PLEKHG1: variants seen among roughly 807,000 people sequenced by gnomAD.
PLEKHG1 encodes pleckstrin homology domain-containing family G member 1.
In PLEKHG1, 44 loss-of-function variants were observed where a neutral mutation model predicts 100.8. The observed-to-expected ratio is 0.44, with a 90% CI of 0.34 to 0.56. The LOEUF is 0.56. Ranked by LOEUF, PLEKHG1 falls within the 20% of genes least tolerant of loss-of-function variation. The pLI, the probability that PLEKHG1 is intolerant of heterozygous loss-of-function variation, is 0.01. For missense variants in PLEKHG1, 1,545 were observed against 1,720.9 expected (o/e 0.90, Z 1.81); for synonymous variants, 640 against 662.5 (o/e 0.97, Z 0.52).
At chr6:150,606,905 ACT>A (rs1470961474) in intron 1 of PLEKHG1, among the ~76,000 whole-genome samples, 1 of 151,242 alleles carries the variant, frequency 6.6e-6, no homozygotes, top group Non-Finnish European at 1.5e-5. Flanking sequence ...CCCTCTCCCA[ACT>A]CTGCTAGGGA....
intron 3 of PLEKHG1, among the ~76,000 whole-genome samples, chr6:150,676,208 A>G (rs989667700): frequency 6.6e-5 from 10 of 152,248 alleles, no homozygotes; most frequent in African/African-American, 9.6e-5. Context: ...ATGCACAGCA[A>G]CAATTGGAGA....
chr6:150,625,917 A>G (rs1342044524), intron 1 of PLEKHG1: 1 of 152,206 alleles, frequency 6.6e-6, no homozygotes, highest in Non-Finnish European at 1.5e-5. Context: ...ACAACTGGAT[A>G]TTAGATGATG....
intron 3 of PLEKHG1, among the ~76,000 whole-genome samples, chr6:150,780,306 G>T (rs943585234): frequency 6.6e-6 from 1 of 151,888 alleles, no homozygotes; most frequent in African/African-American, 2.4e-5. Context: ...AGTAGAGACA[G>T]GGTTTCACCA....
intron 2 of PLEKHG1, among the ~76,000 whole-genome samples, chr6:150,641,948 T>G (rs1299304966): frequency 7.3e-6 from 1 of 137,476 alleles, no homozygotes; most frequent in East Asian, 2.1e-4. Context: ...GTGATGTAAG[T>G]AACCCTTTTT....
chr6:150,636,477 C>CT (rs772492111), intron 1 of PLEKHG1, among the ~76,000 whole-genome samples: 2,021 of 54,880 alleles, frequency 0.037, 23 homozygotes, highest in African/African-American at 0.067. Context: ...CAGTTGGTCC[C>CT]TTTTTTTTTT....
At chr6:150,616,159 T>C (rs1399628250) in intron 1 of PLEKHG1, among the ~76,000 whole-genome samples, 3 of 151,980 alleles carry the variant, frequency 2.0e-5, no homozygotes, top group Non-Finnish European at 4.4e-5. Context: ...AAACAAACAG[T>C]GGTTGAGAAG....
chr6:150,799,011 G>T (rs1786536250), intron 5 of PLEKHG1, among the ~76,000 whole-genome samples: 1 of 151,882 alleles, frequency 6.6e-6, no homozygotes, highest in South Asian at 2.1e-4. Flanking sequence ...AAAGTGCTGG[G>T]ATTGCAGCCA....
chr6:150,773,461 G>A (rs1784804360), intron 3 of PLEKHG1, among the ~76,000 whole-genome samples: 1 of 152,212 alleles, frequency 6.6e-6, no homozygotes. Flanking sequence ...TTGAGCCCGG[G>A]AGGCAGAGGC....
At chr6:150,602,194 C>T (rs970221796) in intron 1 of PLEKHG1, among the ~76,000 whole-genome samples, 1 of 152,222 alleles carries the variant, frequency 6.6e-6, no homozygotes, top group Admixed American at 6.5e-5. Flanking sequence ...ATTCCTGAAG[C>T]TATTATCTTA....
At chr6:150,724,006 C>G (rs368347631) in intron 1 of PLEKHG1, among the ~76,000 whole-genome samples, 18 of 152,218 alleles carry the variant, frequency 1.2e-4, no homozygotes, top group Admixed American at 1.0e-3. Flanking sequence ...TGTATCACTG[C>G]GGTCTCATCA....
At position 150,629,602 on chromosome 6, in the gene PLEKHG1, A is replaced by G. The variant is rs552371981; in HGVS notation, c.-203-8478A>G. 1.1e-4 allele frequency among the ~76,000 whole-genome samples: 16 copies of G among 152,248 alleles called. 1 individual carries two copies. The highest frequency in any genetic ancestry group is 3.6e-4 in the African/African-American group (15 of 41,540). On this transcript the variant is annotated intron_variant, in intron 1 of 3. Transcript: ENST00000367326. ...CAGTCTCCCAAGTAGCTGGGACTAC[A>G]GGCACGCGGCATCACGCCCAGCTAA...
intron 3 of PLEKHG1, among the ~76,000 whole-genome samples, chr6:150,658,792 T>C (rs1484511492): frequency 6.6e-6 from 1 of 152,206 alleles, no homozygotes; most frequent in Non-Finnish European, 1.5e-5. Flanking sequence ...TGTTAGCAAA[T>C]CTCACTATAT....
intron 1 of PLEKHG1, among the ~76,000 whole-genome samples, chr6:150,624,291 C>G (rs2128558598): frequency 6.6e-6 from 1 of 152,254 alleles, no homozygotes; most frequent in Non-Finnish European, 1.5e-5. Flanking sequence ...CCCTCACACC[C>G]TGCCTATCTC....
chr6:150,733,917 C>T lies in PLEKHG1; in HGVS notation c.236C>T (p.Ala79Val), dbSNP rs114094417. Residue 79 changes from alanine (A) to valine (V), a missense_variant, in exon 2 of 16, where the codon GCG (alanine) becomes GTG (valine). Coordinates refer to ENST00000358517, the Ensembl canonical transcript of PLEKHG1. ...AACCCCGCCACGGGGCAACAGAACG[C>T]GGATGAGGGCAGCGAAAGGCCACCC... 2,032 of 1,614,154 alleles carry T rather than the reference C, an allele frequency of 1.3e-3. 24 individuals carry two copies. In the African/African-American group the frequency reaches 0.023, roughly 18 times the overall value.
In PLEKHG1 at chr6:150,809,478, T is replaced by C. The variant is rs761893207; in HGVS notation, c.1191+2T>C. ...CCCAAGCTGCAGCACACAGTCCAGG[T>C]AGCAGCCGGGCCCTGGCCTCTCCGC... On this transcript the variant is annotated splice_donor_variant, in intron 9 of 15. Transcript: ENST00000358517. LOFTEE classifies it high-confidence loss of function. 1 of 1,611,498 alleles carries C rather than the reference T, an allele frequency of 6.2e-7. No homozygotes were observed. The highest frequency in any genetic ancestry group is 8.5e-7 in the Non-Finnish European group (1 of 1,177,952).
At chr6:150,798,521 G>C (rs1562527622) in intron 5 of PLEKHG1, among the ~76,000 whole-genome samples, 1 of 152,182 alleles carries the variant, frequency 6.6e-6, no homozygotes, top group Non-Finnish European at 1.5e-5. Context: ...ATTTTTAAGA[G>C]CTGGTCATTC....
rs1194056540 is a variant in PLEKHG1 at position 150,830,674 on chromosome 6, C to T, written c.1563C>T (p.Ser521=). The T allele has an allele frequency of 8.1e-6, 13 of 1,613,954 alleles. No individual in the cohort carries two copies. The Admixed American group carries it at 1.3e-4, about 17-fold the overall frequency. The change falls in exon 15 of 16, where the codon AGC becomes AGT. Residue 521 remains serine, a synonymous_variant. Transcript: ENST00000358517. ...AGCCTAGCAGTTCTACCATGATCAG[C>T]GTGCTTCGAGCGGGTGGAGCTCTCA... is the stretch of plus-strand genomic sequence containing the variant.
At chr6:150,656,945 C>T (rs1395045489) in intron 3 of PLEKHG1, among the ~76,000 whole-genome samples, 1 of 152,128 alleles carries the variant, frequency 6.6e-6, no homozygotes, top group South Asian at 2.1e-4. Flanking sequence ...GTTAGGGAGT[C>T]TGTGGCCTTT....
intron 7 of PLEKHG1, among the ~76,000 whole-genome samples, chr6:150,805,559 C>T (rs1328062281): frequency 1.3e-5 from 2 of 151,658 alleles, no homozygotes; most frequent in Admixed American, 1.3e-4. Flanking sequence ...CGAAGTTTCA[C>T]TCTTGTCGCC....
Sources: gnomAD v4.1 joint callset for allele counts (sites outside exome capture counted in the v4.1 genomes callset) on GRCh38, gnomAD v4.1.1 for gene constraint, MANE v1.5 for transcripts, NCBI Gene and HGNC (gene_info 2026-07-23, HGNC 2026-07-21) for gene names.